Variants in GALNT9 observed in about 807,000 individuals in gnomAD.
GALNT9 encodes polypeptide N-acetylgalactosaminyltransferase 9.
Under a neutral mutation model 63.1 loss-of-function variants are expected in GALNT9, and 47 were observed. That is an observed-to-expected ratio of 0.75 (90% CI 0.59 to 0.95). The LOEUF (loss-of-function observed/expected upper bound fraction) is 0.95. GALNT9 is among the 40% of genes least tolerant of loss of function. The probability of loss-of-function intolerance (pLI) is 0.00; values close to 1 mark genes in which losing one functional copy is unlikely to be tolerated. For synonymous variants in GALNT9, 396 were observed against 365.7 expected, an observed-to-expected ratio of 1.08 and a Z score of -0.94; for missense variants, 829 against 874.8, an observed-to-expected ratio of 0.95 and a Z score of 0.66.
rs1868449592 is a variant in GALNT9 at position 132,315,249 on chromosome 12, T to C, written c.238+13717A>G. ...AAAGTGCTGGAGCCTCAGAATATAA[T>C]CAGGGCGGCCTCCCCTGTGTCCACT... is the stretch of plus-strand genomic sequence containing the variant. On this transcript the variant is annotated intron_variant, in intron 1 of 10. Coordinates refer to ENST00000328957, the MANE Select transcript of GALNT9 (RefSeq NM_001122636.2). This position sits in a 1 kb window ranked among gnomAD's most constrained non-coding sequence, Gnocchi z 6.1. Among the ~76,000 whole-genome samples, 1 of 131,336 alleles carries C rather than the reference T, an allele frequency of 7.6e-6. No individual in the cohort carries two copies. Among genetic ancestry groups the C allele is most frequent in the Admixed American group, 7.4e-5 (1 of 13,510 alleles). The allele number at this position is 131,336 out of a possible 152,430, so 86.2% of individuals were successfully genotyped here. A position where few individuals can be genotyped will look rare whatever the true frequency, so the allele number is the denominator to read the frequency against.
In GALNT9 at chr12:132,261,045, G is replaced by T. The variant is rs143735393; in HGVS notation, c.664C>A (p.Arg222=). The change falls in exon 4 of 11, where the codon CGG becomes AGG. Residue 222 remains arginine, a synonymous_variant. Coordinates refer to ENST00000328957, the MANE Select transcript of GALNT9 (RefSeq NM_001122636.2). Reference sequence around the variant, plus strand: ...AGCCGCGCGCGGATCAGTCCTTCCCGCCGGCTGTTGCGGACAATCTTCACG... The same window carrying T: ...AGCCGCGCGCGGATCAGTCCTTCCCTCCGGCTGTTGCGGACAATCTTCACG... The part of the protein sequence containing the change: ...GLVKIVRNSR[R]EGLIRARLQG... 6.4e-7 allele frequency: 1 copy of T among 1,551,328 alleles called. No homozygotes were observed. The highest frequency in any genetic ancestry group is 8.7e-7 in the Non-Finnish European group (1 of 1,146,936).
At chr12:132,214,075 C>T (rs914407639) in intron 6 of GALNT9, among the ~76,000 whole-genome samples, 6 of 152,196 alleles carry the variant, frequency 3.9e-5, no homozygotes, top group African/African-American at 4.8e-5. Context: ...AGGTGAAAGC[C>T]GGGACACCAC....
chr12:132,250,659 T>C (rs1485310307), intron 5 of GALNT9, among the ~76,000 whole-genome samples: 2 of 152,092 alleles, frequency 1.3e-5, no homozygotes, highest in Admixed American at 1.3e-4. Flanking sequence ...GGCGTGGTGG[T>C]GTGCACCTGT....
intron 2 of GALNT9, chr12:132,283,749 AC>A (rs56355321): frequency 0.12 from 16,303 of 134,604 alleles, 1,119 homozygotes; most frequent in African/African-American, 0.22. Context: ...AGTCCATGGG[AC>A]CCCCCCCCAG....
chr12:132,296,663 C>T lies in GALNT9; in HGVS notation c.239-10233G>A, dbSNP rs1033237228. Reference sequence around the variant, plus strand: ...GTCACAGGCTGGTGGTGACAGCTGACCTGTCACACACCAACTTTCAGCACC... The same window carrying T: ...GTCACAGGCTGGTGGTGACAGCTGATCTGTCACACACCAACTTTCAGCACC... On this transcript the variant is annotated intron_variant, in intron 1 of 10. Transcript: ENST00000328957. This position sits in a 1 kb window ranked among gnomAD's most constrained non-coding sequence, Gnocchi z 4.2. Among the ~76,000 whole-genome samples, 3 of 152,176 alleles carry T rather than the reference C, an allele frequency of 2.0e-5. No homozygotes were observed. Among genetic ancestry groups the T allele is most frequent in the Non-Finnish European group, 4.4e-5 (3 of 68,030 alleles).
rs1403257852 is a variant in GALNT9, at chr12:132,286,772, G to T, written c.239-342C>A. On this transcript the variant is annotated intron_variant, in intron 1 of 10. Coordinates refer to ENST00000328957, the MANE Select transcript of GALNT9 (RefSeq NM_001122636.2). This position sits in a 1 kb window ranked among gnomAD's most constrained non-coding sequence, Gnocchi z 7.4. ...TCTGTCACCCAGGCTGCAGTGCAGTGGCATGATCTCAGCTCACTGCAGCCT... is the reference window on the plus strand; with the variant it reads ...TCTGTCACCCAGGCTGCAGTGCAGTTGCATGATCTCAGCTCACTGCAGCCT... Among the ~76,000 whole-genome samples the T allele has an allele frequency of 1.3e-5, 2 of 152,070 alleles. No individual in the cohort carries two copies. The highest frequency in any genetic ancestry group is 2.9e-5 in the Non-Finnish European group (2 of 68,002).
At chr12:132,228,287 C>T (rs994835108) in intron 6 of GALNT9, among the ~76,000 whole-genome samples, 2 of 152,022 alleles carry the variant, frequency 1.3e-5, no homozygotes, top group African/African-American at 2.4e-5. Flanking sequence ...CCCTCCCCAG[C>T]GTCCCTCTGA....
chr12:132,224,994 C>A (rs1877594360), intron 6 of GALNT9, among the ~76,000 whole-genome samples: 1 of 139,152 alleles, frequency 7.2e-6, no homozygotes, highest in East Asian at 2.3e-4. Context: ...CATATACACA[C>A]CCTATACACT....
chr12:132,198,869 C>T (rs1002962283), intron 9 of GALNT9, among the ~76,000 whole-genome samples: 1 of 152,162 alleles, frequency 6.6e-6, no homozygotes, highest in Non-Finnish European at 1.5e-5. Flanking sequence ...CCAGACTGGT[C>T]TCAATTCCTG....
intron 8 of GALNT9, 136 bp from the exon 9 acceptor site, chr12:132,199,405 G>A: frequency 1.6e-6 from 1 of 629,588 alleles, no homozygotes; most frequent in Non-Finnish European, 2.8e-6. Context: ...GGATGCTCTG[G>A]CCGGGTGGGC....
chr12:132,322,536 C>T (rs1868849697), intron 1 of GALNT9, among the ~76,000 whole-genome samples: 1 of 152,216 alleles, frequency 6.6e-6, no homozygotes, highest in Non-Finnish European at 1.5e-5. Context: ...ACAGAAGGCT[C>T]CGGGAGGGGT....
chr12:132,239,078 T>C lies in GALNT9; in HGVS notation c.1077+8832A>G, dbSNP rs2136896424. On this transcript the variant is annotated intron_variant, in intron 6 of 10. Transcript: ENST00000328957. ...TTCCTCTTGAAATAATCAGAAAGCT[T>C]AGAAGAGAACGGGGGTACTTTTCAG... Among the ~76,000 whole-genome samples the C allele has an allele frequency of 2.0e-5, 3 of 150,056 alleles. No homozygotes were observed. In the South Asian group the frequency reaches 6.3e-4, roughly 31 times the overall value.
Position 132,257,394 on chromosome 12 carries a change from C to G in GALNT9, c.959+295G>C, listed in dbSNP as rs569293718. The stretch of plus-strand genomic sequence containing the variant: ...GACACTCACCGTGGTCTCTGCTCAG[C>G]CCCTGCACCAGGTTGTGCTTGCTGG... On this transcript the variant is annotated intron_variant, in intron 5 of 10. Coordinates refer to ENST00000328957, the MANE Select transcript of GALNT9 (RefSeq NM_001122636.2). Among the ~76,000 whole-genome samples the G allele has an allele frequency of 6.7e-5, 10 of 149,414 alleles. 1 individual carries two copies. The South Asian group carries it at 2.1e-3, about 32-fold the overall frequency.
chr12:132,196,409 A>G lies in GALNT9; in HGVS notation c.*698T>C. 1 of 984,170 alleles carries G rather than the reference A, an allele frequency of 1.0e-6. No homozygotes were observed. Among genetic ancestry groups the G allele is most frequent in the Non-Finnish European group, 1.2e-6 (1 of 828,792 alleles). The allele number at this position is 984,170 out of a possible 1,614,324, so 61.0% of individuals were successfully genotyped here. A position where few individuals can be genotyped will look rare whatever the true frequency, so the allele number is the denominator to read the frequency against. On this transcript the variant is annotated 3_prime_UTR_variant, in exon 11 of 11. Transcript: ENST00000328957. ...CCAATAAAACTGTATTTATTAAAACAGGCAAGGGGCTGGGCTGCGGCAGGG... is the reference window on the plus strand; with the variant it reads ...CCAATAAAACTGTATTTATTAAAACGGGCAAGGGGCTGGGCTGCGGCAGGG...
At position 132,240,914 on chromosome 12, in the gene GALNT9, C is replaced by G. The variant is rs2136900136; in HGVS notation, c.1077+6996G>C. Among the ~76,000 whole-genome samples the G allele has an allele frequency of 9.3e-3, 935 of 100,624 alleles. 1 individual carries two copies. The highest frequency in any genetic ancestry group is 0.042 in the Middle Eastern group (5 of 118). 66.0% of individuals were successfully genotyped at this position (100,624 alleles called of 152,430 possible). A position where few individuals can be genotyped will look rare whatever the true frequency, so the allele number is the denominator to read the frequency against. On this transcript the variant is annotated intron_variant, in intron 6 of 10. Coordinates refer to ENST00000328957, the MANE Select transcript of GALNT9 (RefSeq NM_001122636.2). ...CACACCACACACCCTTCCCGGGGCC[C>G]TCCCTATCCCCATTACACACACGCC... is the stretch of plus-strand genomic sequence containing the variant.
At chr12:132,228,947 T>C (rs1877799715) in intron 6 of GALNT9, among the ~76,000 whole-genome samples, 3 of 152,320 alleles carry the variant, frequency 2.0e-5, no homozygotes, top group African/African-American at 7.2e-5. Flanking sequence ...ACGGGAGAAT[T>C]ACTCCTCTAA....
rs1037820604 is a variant in GALNT9 at position 132,327,417 on chromosome 12, G to C, written c.238+1549C>G. 1.3e-5 allele frequency among the ~76,000 whole-genome samples: 2 copies of C among 151,892 alleles called. No homozygotes were observed. The highest frequency in any genetic ancestry group is 4.8e-5 in the African/African-American group (2 of 41,356). On this transcript the variant is annotated intron_variant, in intron 1 of 10. Coordinates refer to ENST00000328957, the MANE Select transcript of GALNT9 (RefSeq NM_001122636.2). The surrounding 1 kb of genome is among the most constrained non-coding windows in gnomAD (Gnocchi z 4.3). ...AGCCGATTCTCACCTTGAAGGGTGA[G>C]GCAGGGAAAACGACTCACAGGGCCG... is the stretch of plus-strand genomic sequence containing the variant.
intron 6 of GALNT9, among the ~76,000 whole-genome samples, chr12:132,221,710 A>G (rs1052579260): frequency 1.3e-5 from 2 of 150,556 alleles, no homozygotes; most frequent in African/African-American, 4.9e-5. Context: ...AATGTATGCA[A>G]CGCCCCATAA....
At chr12:132,220,987 G>A (rs1464469097) in intron 6 of GALNT9, among the ~76,000 whole-genome samples, 2 of 149,886 alleles carry the variant, frequency 1.3e-5, no homozygotes, top group African/African-American at 4.9e-5. Flanking sequence ...AACCTGGGAG[G>A]TGGAGGTTGC....
Sources: allele counts gnomAD v4.1 joint callset (sites outside exome capture counted in the v4.1 genomes callset), GRCh38; gene constraint gnomAD v4.1.1; non-coding constraint Gnocchi (gnomAD v3.1); transcripts MANE v1.5; gene names NCBI Gene and HGNC (gene_info 2026-07-23, HGNC 2026-07-21).